The following UGT1A4 variants were observed in gnomAD, a reference collection of about 807,000 sequenced individuals.
The protein encoded by UGT1A4 is UDP glucuronosyltransferase family 1 member A4.
In UGT1A4, 32 loss-of-function variants were observed where a neutral mutation model predicts 41.1. The observed-to-expected ratio is 0.78, with a 90% CI of 0.59 to 1.05. The LOEUF (loss-of-function observed/expected upper bound fraction) is 1.05. Among genes scored for constraint, UGT1A4 ranks in the 50% least tolerant of loss-of-function variants. The pLI is 0.00. For synonymous variants in UGT1A4, 283 were observed against 265.1 expected (o/e 1.07, Z -0.66); for missense variants, 748 against 677.4 (o/e 1.10, Z -1.16).
At chr2:233,751,729 C>G (rs1442411823) in intron 1 of UGT1A4, among the ~76,000 whole-genome samples, 1 of 152,154 alleles carries the variant, frequency 6.6e-6, no homozygotes, top group South Asian at 2.1e-4. Flanking sequence ...TGAACTCTTC[C>G]TCTCTGTTTC....
At chr2:233,752,890 C>A (rs537828663) in intron 1 of UGT1A4, among the ~76,000 whole-genome samples, 13 of 152,204 alleles carry the variant, frequency 8.5e-5, no homozygotes, top group Admixed American at 7.2e-4. Context: ...AACTAGCCAG[C>A]GTTGTTACAG....
At chr2:233,744,192 A>C (rs1389532681) in intron 1 of UGT1A4, among the ~76,000 whole-genome samples, 1 of 151,842 alleles carries the variant, frequency 6.6e-6, no homozygotes, top group East Asian at 1.9e-4. Flanking sequence ...CATGGTCTCC[A>C]AAAAGGATGG....
At chr2:233,757,045 G>A (rs1250213092) in intron 1 of UGT1A4, among the ~76,000 whole-genome samples, 2 of 151,734 alleles carry the variant, frequency 1.3e-5, no homozygotes, top group Non-Finnish European at 2.9e-5. Flanking sequence ...ATCAAAGGAA[G>A]TTTGGGGAAC....
chr2:233,733,864 A>G (rs1575602891), intron 1 of UGT1A4, among the ~76,000 whole-genome samples: 1 of 151,900 alleles, frequency 6.6e-6, no homozygotes, highest in African/African-American at 2.4e-5. Context: ...TGATTGGAAT[A>G]GTTTCAGAAG....
chr2:233,756,450 A>G (rs1426774092), intron 1 of UGT1A4: 1 of 152,082 alleles, frequency 6.6e-6, no homozygotes. Flanking sequence ...TTCCCCCCAA[A>G]TATTTTCAAT....
At chr2:233,747,235 C>G in intron 1 of UGT1A4, 2 of 1,604,608 alleles carry the variant, frequency 1.2e-6, no homozygotes. Flanking sequence ...ACCCCAGGTT[C>G]CCCTGCTGTG....
intron 1 of UGT1A4, among the ~76,000 whole-genome samples, chr2:233,751,139 G>A (rs1273905721): frequency 6.6e-6 from 1 of 151,986 alleles, no homozygotes; most frequent in East Asian, 1.9e-4. Context: ...TGAGACTGTG[G>A]GAGCCCACTT....
chr2:233,767,119 A>C lies in UGT1A4; in HGVS notation c.953A>C (p.Lys318Thr). 6.2e-7 allele frequency: 1 copy of C among 1,614,168 alleles called. No individual in the cohort carries two copies. Among genetic ancestry groups the C allele is most frequent in the Non-Finnish European group, 8.5e-7 (1 of 1,180,014 alleles). The change falls in exon 2 of 5, where the codon AAG (lysine) becomes ACG (threonine). Residue 318 changes from lysine (K) to threonine (T), a missense_variant. Physicochemically the swap from Lys to Thr is moderately conservative, Grantham distance 78. Coordinates refer to ENST00000373409, the MANE Select transcript of UGT1A4 (RefSeq NM_007120.3). ...TCAATGGTCTCAGAAATTCCAGAGA[A>C]GAAAGCTATGGCAATTGCTGATGCT... ...LGSMVSEIPE[K>T]KAMAIADALG...
At chr2:233,743,626 G>A (rs1399385903) in intron 1 of UGT1A4, 6 of 1,367,322 alleles carry the variant, frequency 4.4e-6, no homozygotes, top group Non-Finnish European at 5.9e-6. Flanking sequence ...TGAAGACGTC[G>A]GCTGGGTCGC....
At chr2:233,771,561 C>T (rs1395815945) in intron 4 of UGT1A4, 1 of 152,134 alleles carries the variant, frequency 6.6e-6, no homozygotes, top group Admixed American at 6.6e-5. Context: ...GTTAATTTGG[C>T]CAGAGGTGGT....
At chr2:233,737,147 T>C (rs909565111) in intron 1 of UGT1A4, among the ~76,000 whole-genome samples, 2 of 152,240 alleles carry the variant, frequency 1.3e-5, no homozygotes, top group African/African-American at 4.8e-5. Flanking sequence ...TGTTCAGATA[T>C]GCCCTGCCCA....
chr2:233,719,403 C>T lies in UGT1A4; in HGVS notation c.583C>T (p.Pro195Ser). ...TQCPNPSSYI[P>S]KLLTTNSDHM... ...GTGTCCAAATCCTTCCTCCTATATT[C>T]CTAAGTTACTAACGACCAATTCAGA... Residue 195 changes from proline to serine, a missense_variant, in exon 1 of 5, where the codon CCT becomes TCT. Physicochemically the swap from Pro to Ser is moderately conservative, Grantham distance 74. Coordinates refer to ENST00000373409, the MANE Select transcript of UGT1A4 (RefSeq NM_007120.3). The T allele has an allele frequency of 6.2e-7, 1 of 1,613,982 alleles. No individual in the cohort carries two copies. Among genetic ancestry groups the T allele is most frequent in the African/African-American group, 1.3e-5 (1 of 75,040 alleles).
chr2:233,739,318 A>G (rs1691049780), intron 1 of UGT1A4, among the ~76,000 whole-genome samples: 1 of 152,136 alleles, frequency 6.6e-6, no homozygotes, highest in African/African-American at 2.4e-5. Flanking sequence ...GAGTTGTGAG[A>G]AGAAGGCCAC....
chr2:233,721,740 G>C lies in UGT1A4; in HGVS notation c.867+2053G>C, dbSNP rs151279989. 5 of 432,164 alleles carry C rather than the reference G, an allele frequency of 1.2e-5. No individual in the cohort carries two copies. The East Asian group carries it at 1.9e-4, about 16-fold the overall frequency. The allele number at this position is 432,164 out of a possible 1,614,324, so 26.8% of individuals were successfully genotyped here. ...TGTTTACTTGGATAAGCTTAATGAT[G>C]AGAGAATCTACATCTAAATTGTTAT... On this transcript the variant is annotated intron_variant, in intron 1 of 4. Coordinates refer to ENST00000373409, the MANE Select transcript of UGT1A4 (RefSeq NM_007120.3).
intron 3 of UGT1A4, 28 bp downstream of exon 3, chr2:233,767,964 T>C: frequency 6.2e-7 from 1 of 1,614,138 alleles, no homozygotes; most frequent in Non-Finnish European, 8.5e-7. Context: ...GATGTATAGG[T>C]CAAACCAGGG....
intron 1 of UGT1A4, chr2:233,747,230 A>AGGTTCCCCT: frequency 6.2e-7 from 1 of 1,605,032 alleles, no homozygotes; most frequent in South Asian, 1.1e-5. Context: ...ACAGGACCCC[A>AGGTTCCCCT]GGTTCCCCTG....
chr2:233,753,795 C>T (rs760622704), intron 1 of UGT1A4: 6 of 152,312 alleles, frequency 3.9e-5, no homozygotes, highest in African/African-American at 1.4e-4. Flanking sequence ...TTTCCAGGAC[C>T]TACCATAGTT....
At chr2:233,760,319 T>C (rs201984525) in intron 1 of UGT1A4, 2 of 1,614,040 alleles carry the variant, frequency 1.2e-6, no homozygotes, top group Non-Finnish European at 1.7e-6. Context: ...GGACGCCCAC[T>C]TGTCCTGGGC....
Position 233,725,630 on chromosome 2 carries a change from A to G in UGT1A4, c.867+5943A>G, listed in dbSNP as rs544565548. ...TCTTGCTAAGTCTTCAAAATCTAGCATATATCTGACATTTACAGCATATCT... is the reference window on the plus strand; with the variant it reads ...TCTTGCTAAGTCTTCAAAATCTAGCGTATATCTGACATTTACAGCATATCT... On this transcript the variant is annotated intron_variant, in intron 1 of 4. Transcript: ENST00000373409. 6.6e-5 allele frequency among the ~76,000 whole-genome samples: 10 copies of G among 152,292 alleles called. No individual in the cohort carries two copies. The South Asian group carries it at 1.5e-3, about 22-fold the overall frequency.
Sources: allele counts gnomAD v4.1 joint callset (sites outside exome capture counted in the v4.1 genomes callset), GRCh38; gene constraint gnomAD v4.1.1; transcripts MANE v1.5; gene names NCBI Gene and HGNC (gene_info 2026-07-23, HGNC 2026-07-21).